Variants in MEF2D observed in about 807,000 individuals in gnomAD.
MEF2D encodes myocyte-specific enhancer factor 2D.
In MEF2D, 10 loss-of-function variants were observed where a neutral mutation model predicts 59.3. That is an observed-to-expected ratio of 0.17 (90% confidence interval 0.10 to 0.29). The LOEUF is 0.29. MEF2D is among the 10% of genes least tolerant of loss of function. The pLI, the probability that MEF2D is intolerant of heterozygous loss-of-function variation, is 1.00. For synonymous variants in MEF2D, 305 were observed against 295.0 expected (o/e 1.03, Z -0.35); for missense variants, 508 against 699.4 (o/e 0.73, Z 3.09).
At position 156,479,786 on chromosome 1, in the gene MEF2D, G is replaced by A. The variant is rs1671866501; in HGVS notation, c.407C>T (p.Pro136Leu). The A allele has an allele frequency of 6.4e-7, 1 of 1,551,528 alleles. No individual in the cohort carries two copies. Among genetic ancestry groups the A allele is most frequent in the Non-Finnish European group, 8.7e-7 (1 of 1,146,926 alleles). The change falls in exon 5 of 12, where the codon CCG becomes CTG. Residue 136 changes from proline (P) to leucine (L), a missense_variant. Physicochemically the swap from Pro to Leu is moderately conservative, Grantham distance 98. Coordinates refer to ENST00000348159, the MANE Select transcript of MEF2D (RefSeq NM_005920.4). ...GLFRRYGSTV[P>L]APNFAMPVTV... is the part of the protein sequence containing the mutation. Reference sequence around the variant, plus strand: ...GACAGGCATGGCAAAGTTGGGGGCCGGGACAGTTGACTAGACAGAAAGATG... The same window carrying A: ...GACAGGCATGGCAAAGTTGGGGGCCAGGACAGTTGACTAGACAGAAAGATG...
chr1:156,479,404 T>C (rs1671834974), intron 5 of MEF2D, 58 bp from the exon 6 acceptor site: 4 of 1,577,178 alleles, frequency 2.5e-6, no homozygotes, highest in South Asian at 1.2e-5. Context: ...AGAGTGAGTC[T>C]TGGGGACTGA....
intron 9 of MEF2D, among the ~76,000 whole-genome samples, chr1:156,469,359 G>C (rs1271876181): frequency 6.6e-6 from 1 of 152,124 alleles, no homozygotes; most frequent in Non-Finnish European, 1.5e-5. Flanking sequence ...CCACGTTCAA[G>C]CAAATCTCCT....
chr1:156,488,048 G>A (rs752627400), intron 1 of MEF2D, among the ~76,000 whole-genome samples: 2 of 152,160 alleles, frequency 1.3e-5, no homozygotes, highest in Admixed American at 6.5e-5. Context: ...ATGACTCCTC[G>A]GGCTGACAGT....
Position 156,479,716 on chromosome 1 carries a change from G to A in MEF2D, c.477C>T (p.Pro159=), listed in dbSNP as rs540622383. ...SNQSSLQFSN[P]SGSLVTPSLV... ...GGGAAGGGGTGACCAGGGAGCCGCT[G>A]GGATTGCTGAACTGCAGTGAGCTCT... The change falls in exon 5 of 12, where the codon CCC becomes CCT. Residue 159 remains proline, a synonymous_variant. Coordinates refer to ENST00000348159, the MANE Select transcript of MEF2D (RefSeq NM_005920.4). 7 of 1,551,724 alleles carry A rather than the reference G, an allele frequency of 4.5e-6. No individual in the cohort carries two copies. The highest frequency in any genetic ancestry group is 6.1e-6 in the Non-Finnish European group (7 of 1,146,990).
chr1:156,497,612 A>G (rs185816241), intron 1 of MEF2D, among the ~76,000 whole-genome samples: 4 of 152,060 alleles, frequency 2.6e-5, no homozygotes, highest in Non-Finnish European at 5.9e-5. Flanking sequence ...TAAGGCCACC[A>G]CTCTCTCGAC....
chr1:156,496,062 A>G (rs1673112340), intron 1 of MEF2D, among the ~76,000 whole-genome samples: 1 of 152,196 alleles, frequency 6.6e-6, no homozygotes, highest in African/African-American at 2.4e-5. Flanking sequence ...AGAATCAATG[A>G]ATGCATTCCC....
intron 1 of MEF2D, among the ~76,000 whole-genome samples, chr1:156,485,690 A>C (rs1672313053): frequency 6.9e-6 from 1 of 145,940 alleles, no homozygotes; most frequent in African/African-American, 2.5e-5. Context: ...CAGGTAATTT[A>C]TTAATAATTT....
chr1:156,470,692 C>G (rs926766502), intron 9 of MEF2D, among the ~76,000 whole-genome samples: 2 of 152,224 alleles, frequency 1.3e-5, no homozygotes, highest in Non-Finnish European at 2.9e-5. Context: ...GGGTAAGTTA[C>G]TTACTCTGCC....
chr1:156,469,122 G>A (rs547690958), intron 9 of MEF2D, 102 bp from the exon 10 acceptor site: 2 of 1,442,408 alleles, frequency 1.4e-6, no homozygotes, highest in Admixed American at 4.6e-5. Context: ...AGGGGACAGG[G>A]AGTGTGTAAT....
At position 156,464,826 on chromosome 1, in the gene MEF2D, T is replaced by C. The variant is rs1007798478; in HGVS notation, c.*2819A>G. 1.3e-4 allele frequency: 20 copies of C among 152,088 alleles called. No homozygotes were observed. The highest frequency in any genetic ancestry group is 4.6e-4 in the African/African-American group (19 of 41,402). The allele number at this position is 152,088 out of a possible 1,614,324, so 9.4% of individuals were successfully genotyped here. On this transcript the variant is annotated 3_prime_UTR_variant, in exon 12 of 12. Coordinates refer to ENST00000348159, the MANE Select transcript of MEF2D (RefSeq NM_005920.4). ...AGGCAGAGGGCAAAACTGGTGAATA[T>C]TGCACCGTGAATTGCAGGGGCCCTC...
Position 156,466,722 on chromosome 1 carries a change from TC to T in MEF2D, c.*922del, listed in dbSNP as rs991477750. 9.2e-5 allele frequency: 14 copies of T among 152,772 alleles called. No homozygotes were observed. The highest frequency in any genetic ancestry group is 7.2e-4 in the Admixed American group (11 of 15,292). 9.5% of individuals were successfully genotyped at this position (152,772 alleles called of 1,614,324 possible). ...ACCTCACTGAAGACCCTCTCCCCATTCTCCCTGCACACTGTGGCCAGCTTTA... is the reference window on the plus strand; with the variant it reads ...ACCTCACTGAAGACCCTCTCCCCATTTCCCTGCACACTGTGGCCAGCTTTA... On this transcript the variant is annotated 3_prime_UTR_variant, in exon 12 of 12. Transcript: ENST00000348159.
In MEF2D at chr1:156,466,819, G is replaced by C. The variant is rs1446096923; in HGVS notation, c.*826C>G. ...TCTTAGAGAAAAACTGGGGAAGGGA[G>C]GGGCTCAATTTGCCCCCTGCCTAGC... On this transcript the variant is annotated 3_prime_UTR_variant, in exon 12 of 12. Coordinates refer to ENST00000348159, the MANE Select transcript of MEF2D (RefSeq NM_005920.4). The C allele has an allele frequency of 6.5e-6, 1 of 152,792 alleles. No homozygotes were observed. The highest frequency in any genetic ancestry group is 2.4e-5 in the African/African-American group (1 of 41,434). The allele number at this position is 152,792 out of a possible 1,614,324, so 9.5% of individuals were successfully genotyped here. A position where few individuals can be genotyped will look rare whatever the true frequency, so the allele number is the denominator to read the frequency against.
In MEF2D at chr1:156,494,343, T is replaced by C. The variant is rs1179437078; in HGVS notation, c.-139+6143A>G. Among the ~76,000 whole-genome samples the C allele has an allele frequency of 5.3e-5, 8 of 152,080 alleles. No individual in the cohort carries two copies. In the East Asian group the frequency reaches 1.5e-3, roughly 29 times the overall value. On this transcript the variant is annotated intron_variant, in intron 1 of 11. Transcript: ENST00000348159. ...CCCGTATTCTTTGTTCTCTCAACCC[T>C]CAACCCTAGGTATTTGCTGGTGGGC...
At position 156,474,964 on chromosome 1, in the gene MEF2D, G is replaced by A. The variant is rs552343372; in HGVS notation, c.1006+144C>T. 89 of 1,181,180 alleles carry A rather than the reference G, an allele frequency of 7.5e-5. No homozygotes were observed. In the East Asian group the frequency reaches 1.6e-3, roughly 21 times the overall value. 73.2% of individuals were successfully genotyped at this position (1,181,180 alleles called of 1,614,324 possible). A position where few individuals can be genotyped will look rare whatever the true frequency, so the allele number is the denominator to read the frequency against. ...TTCTGTGCTTTTATTTGCTAAACCT[G>A]TTAACCATAAGTAGGTGGGGGTTCC... On this transcript the variant is annotated intron_variant, in intron 9 of 11. Coordinates refer to ENST00000348159, the MANE Select transcript of MEF2D (RefSeq NM_005920.4).
At chr1:156,498,129 C>A (rs981137562) in intron 1 of MEF2D, among the ~76,000 whole-genome samples, 7 of 130,552 alleles carry the variant, frequency 5.4e-5, no homozygotes, top group Non-Finnish European at 1.5e-5. Context: ...AAAAAAAAAC[C>A]CTGCTACAGA....
At chr1:156,496,393 G>A (rs775867002) in intron 1 of MEF2D, among the ~76,000 whole-genome samples, 2 of 152,112 alleles carry the variant, frequency 1.3e-5, no homozygotes, top group Admixed American at 6.5e-5. Flanking sequence ...GGGGACACAC[G>A]GTCAGTGTGA....
At chr1:156,489,452 AAG>A (rs1237010162) in intron 1 of MEF2D, among the ~76,000 whole-genome samples, 1 of 152,098 alleles carries the variant, frequency 6.6e-6, no homozygotes, top group Non-Finnish European at 1.5e-5. Context: ...GACAGAGAAA[AAG>A]AGGCAGCGAG....
intron 1 of MEF2D, among the ~76,000 whole-genome samples, chr1:156,484,842 T>C (rs1672244013): frequency 6.6e-6 from 1 of 152,132 alleles, no homozygotes; most frequent in African/African-American, 2.4e-5. Flanking sequence ...GGGCAGTGCC[T>C]ACATAGGCTG....
chr1:156,479,192 C>T (rs1571236993), intron 6 of MEF2D, 98 bp downstream of exon 6: 2 of 1,001,382 alleles, frequency 2.0e-6, no homozygotes, highest in East Asian at 2.9e-5. Context: ...TGGGATCTTC[C>T]TCTCCTCTCA....
Sources: gnomAD v4.1 joint callset for allele counts (sites outside exome capture counted in the v4.1 genomes callset) on GRCh38, gnomAD v4.1.1 for gene constraint, MANE v1.5 for transcripts, NCBI Gene and HGNC (gene_info 2026-07-23, HGNC 2026-07-21) for gene names.